The following CA10 variants were observed in gnomAD, a reference collection of about 807,000 sequenced individuals.
CA10 encodes the protein carbonic anhydrase-related protein 10.
A neutral mutation model predicts 44.2 loss-of-function variants in CA10; 14 were observed. The observed-to-expected ratio is 0.32, with a 90% CI of 0.21 to 0.50. CA10 has a LOEUF of 0.50. Among genes scored for constraint, CA10 ranks in the 20% least tolerant of loss-of-function variants. The pLI is 0.99. For missense variants in CA10, 350 were observed against 409.7 expected (o/e 0.85, Z 1.26); for synonymous variants, 159 against 141.6 (o/e 1.12, Z -0.87).
rs769998592 is a variant in CA10, at chr17:51,648,958, A to ATC, written c.634+223_634+224insGA. ...GGATAACGATGACCACCATAGTCATAATCATTATCACCTTAGGCATGGATG... is the reference window on the plus strand; with the variant it reads ...GGATAACGATGACCACCATAGTCATATCATCATTATCACCTTAGGCATGGATG... On this transcript the variant is annotated intron_variant, in intron 6 of 8. Coordinates refer to ENST00000451037, the MANE Select transcript of CA10 (RefSeq NM_020178.5). Among the ~76,000 whole-genome samples the ATC allele has an allele frequency of 4.2e-3, 636 of 152,154 alleles. 9 individuals carry two copies. Among genetic ancestry groups the ATC allele is most frequent in the Admixed American group, 0.031 (478 of 15,278 alleles).
At chr17:52,133,146 C>G (rs112704591) in intron 1 of CA10, among the ~76,000 whole-genome samples, 1 of 152,228 alleles carries the variant, frequency 6.6e-6, no homozygotes, top group Admixed American at 6.5e-5. Flanking sequence ...GGTACCATGC[C>G]CTTTGGTGAA....
chr17:51,999,169 T>C (rs892883740), intron 2 of CA10, among the ~76,000 whole-genome samples: 3 of 152,008 alleles, frequency 2.0e-5, no homozygotes, highest in African/African-American at 7.2e-5. Context: ...AAGCGTTGTT[T>C]GGGGTACTTT....
intron 3 of CA10, among the ~76,000 whole-genome samples, chr17:51,797,813 T>G (rs1031213306): frequency 8.1e-6 from 1 of 123,956 alleles, no homozygotes; most frequent in African/African-American, 3.0e-5. Context: ...ATTGCGCCAC[T>G]GCACACCTGC....
intron 4 of CA10, among the ~76,000 whole-genome samples, chr17:51,684,566 C>G (rs977636822): frequency 6.6e-6 from 1 of 152,186 alleles, no homozygotes; most frequent in Non-Finnish European, 1.5e-5. Flanking sequence ...AAAGGCATAG[C>G]TTACATCGCT....
intron 2 of CA10, among the ~76,000 whole-genome samples, chr17:52,069,667 G>GCTCAGCACAAGGTAGGTA (rs1987628811): frequency 6.6e-6 from 1 of 152,120 alleles, no homozygotes; most frequent in Non-Finnish European, 1.5e-5. Flanking sequence ...CAAACTTGGT[G>GCTCAGCACAAGGTAGGTA]CTCAGCACAA....
At chr17:52,083,748 C>CT (rs1264311326) in intron 1 of CA10, among the ~76,000 whole-genome samples, 3 of 152,160 alleles carry the variant, frequency 2.0e-5, no homozygotes, top group Admixed American at 6.5e-5. Flanking sequence ...TGATTTCATT[C>CT]TTTTTTATGG....
At chr17:51,829,699 A>G (rs73989411) in intron 3 of CA10, among the ~76,000 whole-genome samples, 24,639 of 152,152 alleles carry the variant, frequency 0.16, 2,229 homozygotes, top group South Asian at 0.36. Flanking sequence ...TGAGGTGCTT[A>G]TAATTATCAC....
intron 4 of CA10, among the ~76,000 whole-genome samples, chr17:51,700,935 C>CA (rs939869717): frequency 6.6e-6 from 1 of 151,924 alleles, no homozygotes; most frequent in African/African-American, 2.4e-5. Context: ...GTGGAGGGAG[C>CA]AGGGAGGGAG....
At chr17:51,933,193 A>C (rs541438950) in intron 2 of CA10, among the ~76,000 whole-genome samples, 1 of 152,274 alleles carries the variant, frequency 6.6e-6, no homozygotes, top group East Asian at 1.9e-4. Context: ...GAACATGTGA[A>C]TATGCTATCT....
intron 3 of CA10, among the ~76,000 whole-genome samples, chr17:51,832,229 C>T (rs1249754434): frequency 6.6e-6 from 1 of 152,098 alleles, no homozygotes; most frequent in Non-Finnish European, 1.5e-5. Flanking sequence ...AGACTGAATG[C>T]TATAGTAACA....
At chr17:51,798,649 T>A (rs943598083) in intron 3 of CA10, among the ~76,000 whole-genome samples, 14 of 152,202 alleles carry the variant, frequency 9.2e-5, no homozygotes, top group Non-Finnish European at 1.8e-4. Context: ...AGAATTTTTT[T>A]AAATTGGTTT....
In CA10 at chr17:51,950,434, C is replaced by T. The variant is rs111467091; in HGVS notation, c.137-19302G>A. Among the ~76,000 whole-genome samples, 465 of 152,220 alleles carry T rather than the reference C, an allele frequency of 3.1e-3. 1 individual carries two copies. The highest frequency in any genetic ancestry group is 0.011 in the African/African-American group (444 of 41,562). ...TTGGGTTTGGCCAATAGGAGGCACT[C>T]GCAGGGAACTGGAGGGTGAGAAGAG... On this transcript the variant is annotated intron_variant, in intron 2 of 8. Coordinates refer to ENST00000451037, the MANE Select transcript of CA10 (RefSeq NM_020178.5).
intron 3 of CA10, among the ~76,000 whole-genome samples, chr17:51,781,189 A>G (rs1443231361): frequency 2.6e-5 from 4 of 152,328 alleles, no homozygotes; most frequent in Admixed American, 2.6e-4. Flanking sequence ...GTCATTTATC[A>G]TCTCTGAGCC....
chr17:52,112,489 A>C (rs747281151), intron 1 of CA10, among the ~76,000 whole-genome samples: 20 of 152,218 alleles, frequency 1.3e-4, no homozygotes, highest in Non-Finnish European at 7.3e-5. Context: ...AATGCCAAAA[A>C]ATAGTTATAT....
chr17:52,100,449 A>C (rs1413180395), intron 1 of CA10, among the ~76,000 whole-genome samples: 1 of 152,062 alleles, frequency 6.6e-6, no homozygotes, highest in Admixed American at 6.6e-5. Context: ...CTCAAAAAAA[A>C]CAGACAAGCC....
chr17:52,021,023 T>C (rs1286077357), intron 2 of CA10, among the ~76,000 whole-genome samples: 2 of 152,080 alleles, frequency 1.3e-5, no homozygotes, highest in Admixed American at 6.6e-5. Context: ...ATGGTTTGTA[T>C]GTACCACATT....
At chr17:51,761,005 G>A (rs1259928770) in intron 3 of CA10, among the ~76,000 whole-genome samples, 2 of 151,876 alleles carry the variant, frequency 1.3e-5, no homozygotes, top group Non-Finnish European at 2.9e-5. Context: ...CATTTCAATC[G>A]CGGCATGTGG....
intron 2 of CA10, among the ~76,000 whole-genome samples, chr17:51,975,536 C>T (rs1032686179): frequency 2.6e-5 from 4 of 152,146 alleles, no homozygotes; most frequent in African/African-American, 7.2e-5. Context: ...ATAACGTAGA[C>T]AGGCATGGTG....
At chr17:51,852,949 T>C (rs891389117) in intron 3 of CA10, among the ~76,000 whole-genome samples, 3 of 152,138 alleles carry the variant, frequency 2.0e-5, no homozygotes, top group African/African-American at 7.2e-5. Flanking sequence ...AAAATGGCTT[T>C]AGAAATGTTT....
Sources: allele counts gnomAD v4.1 joint callset (sites outside exome capture counted in the v4.1 genomes callset), GRCh38; gene constraint gnomAD v4.1.1; transcripts MANE v1.5; gene names NCBI Gene and HGNC (gene_info 2026-07-23, HGNC 2026-07-21).